Variants in CCSER1 observed in about 807,000 individuals in gnomAD.
The protein encoded by CCSER1 is coiled-coil serine rich protein 1.
CCSER1 carries 41 observed loss-of-function variants against 82.0 expected under a neutral mutation model. That is an observed-to-expected ratio of 0.50 (90% confidence interval 0.39 to 0.65). The LOEUF (loss-of-function observed/expected upper bound fraction) is 0.65, where lower values mean the gene tolerates loss of function less well. Among genes scored for constraint, CCSER1 ranks in the 30% least tolerant of loss-of-function variants. The pLI is 0.00. For synonymous variants in CCSER1, 414 were observed against 383.9 expected (o/e 1.08, Z -0.92); for missense variants, 1,119 against 1,064.2 (o/e 1.05, Z -0.72).
intron 1 of CCSER1, among the ~76,000 whole-genome samples, chr4:90,160,377 GAGA>G (rs1473238611): frequency 1.3e-5 from 2 of 152,114 alleles, no homozygotes; most frequent in Non-Finnish European, 2.9e-5. Context: ...TAGAGATGAA[GAGA>G]AGATGACTAC....
intron 1 of CCSER1, among the ~76,000 whole-genome samples, chr4:90,130,418 T>C (rs527702746): frequency 1.4e-4 from 21 of 152,328 alleles, no homozygotes; most frequent in African/African-American, 4.8e-4. Flanking sequence ...AAGACTTGCT[T>C]GATCTTGATG....
At chr4:90,851,219 C>A (rs1028113375) in intron 8 of CCSER1, among the ~76,000 whole-genome samples, 2 of 152,122 alleles carry the variant, frequency 1.3e-5, no homozygotes, top group African/African-American at 4.8e-5. Context: ...ATCATGAGAA[C>A]AGACTAATAC....
At chr4:91,156,562 TAA>T in intron 10 of CCSER1, among the ~76,000 whole-genome samples, 1 of 151,588 alleles carries the variant, frequency 6.6e-6, no homozygotes, top group East Asian at 1.9e-4. Context: ...TTAAAATTAT[TAA>T]GTTAAAAGAA....
At chr4:90,276,782 A>G (rs1000886171) in intron 1 of CCSER1, among the ~76,000 whole-genome samples, 2 of 152,178 alleles carry the variant, frequency 1.3e-5, no homozygotes, top group African/African-American at 4.8e-5. Flanking sequence ...GTGTTTTGTC[A>G]TTCTCCTTGT....
intron 7 of CCSER1, among the ~76,000 whole-genome samples, chr4:90,741,248 A>G (rs1746512090): frequency 6.6e-6 from 1 of 152,354 alleles, no homozygotes; most frequent in East Asian, 1.9e-4. Context: ...CTGAGTCATT[A>G]TAACCTCAAT....
intron 10 of CCSER1, chr4:91,319,776 A>G (rs1746072957): frequency 2.2e-6 from 1 of 454,076 alleles, no homozygotes; most frequent in Admixed American, 2.4e-5. Flanking sequence ...TGCTTCTCTT[A>G]TGCTCTAAAG....
intron 10 of CCSER1, among the ~76,000 whole-genome samples, chr4:91,347,861 G>GT (rs60531921): frequency 0.38 from 56,738 of 148,726 alleles, 11,137 homozygotes; most frequent in East Asian, 0.73. Flanking sequence ...AGTGCCAGTA[G>GT]TTTTTTTTTT....
At position 91,014,188 on chromosome 4, in the gene CCSER1, A is replaced by G. The variant is rs142526920; in HGVS notation, c.2173-71762A>G. ...TCCTTTATACCTGACATGGGAAAAG[A>G]TTTTGGCGACCATCATTTAGTATCC... is the stretch of plus-strand genomic sequence containing the variant. On this transcript the variant is annotated intron_variant, in intron 9 of 10. Coordinates refer to ENST00000509176, the MANE Select transcript of CCSER1 (RefSeq NM_001145065.2). Among the ~76,000 whole-genome samples the G allele has an allele frequency of 4.2e-3, 564 of 133,876 alleles. 48 individuals carry two copies. The highest frequency in any genetic ancestry group is 0.013 in the African/African-American group (532 of 40,382). The allele number at this position is 133,876 out of a possible 152,430, so 87.8% of individuals were successfully genotyped here. A position where few individuals can be genotyped will look rare whatever the true frequency, so the allele number is the denominator to read the frequency against.
intron 1 of CCSER1, among the ~76,000 whole-genome samples, chr4:90,141,333 C>T (rs1007004502): frequency 6.6e-5 from 10 of 152,212 alleles, no homozygotes; most frequent in Non-Finnish European, 1.2e-4. Flanking sequence ...CACTAACATC[C>T]GGAGCAATGT....
At chr4:91,482,736 C>T (rs1201575275) in intron 10 of CCSER1, among the ~76,000 whole-genome samples, 1 of 152,128 alleles carries the variant, frequency 6.6e-6, no homozygotes, top group East Asian at 1.9e-4. Flanking sequence ...AAATGTGGCA[C>T]ATATACACCA....
chr4:90,154,261 A>G (rs1302388338), intron 1 of CCSER1, among the ~76,000 whole-genome samples: 6 of 152,306 alleles, frequency 3.9e-5, no homozygotes, highest in East Asian at 1.9e-4. Context: ...TACCAGTACC[A>G]TGCTGTTTTG....
At chr4:91,106,408 A>C (rs1487326771) in intron 10 of CCSER1, among the ~76,000 whole-genome samples, 1 of 152,178 alleles carries the variant, frequency 6.6e-6, no homozygotes, top group Non-Finnish European at 1.5e-5. Flanking sequence ...ATAAGGAGAG[A>C]AATTAATAGA....
At chr4:90,255,769 A>G (rs1182371497) in intron 1 of CCSER1, among the ~76,000 whole-genome samples, 1 of 152,190 alleles carries the variant, frequency 6.6e-6, no homozygotes, top group Non-Finnish European at 1.5e-5. Context: ...GTCTTTATAG[A>G]ACAGATTGCC....
At chr4:91,144,275 G>A (rs1412913970) in intron 10 of CCSER1, among the ~76,000 whole-genome samples, 5 of 151,440 alleles carry the variant, frequency 3.3e-5, no homozygotes, top group Non-Finnish European at 7.4e-5. Context: ...TGGTCTCTGA[G>A]GATCTTTTGC....
At chr4:91,184,584 A>C (rs1370220728) in intron 10 of CCSER1, among the ~76,000 whole-genome samples, 1 of 152,228 alleles carries the variant, frequency 6.6e-6, no homozygotes, top group Non-Finnish European at 1.5e-5. Context: ...CTAATTTTTC[A>C]GTAACTAATT....
At chr4:90,590,574 T>C (rs1053146615) in intron 5 of CCSER1, among the ~76,000 whole-genome samples, 2 of 151,380 alleles carry the variant, frequency 1.3e-5, no homozygotes, top group African/African-American at 4.9e-5. Flanking sequence ...GAGTGAAACT[T>C]GGTCTCAAAA....
intron 3 of CCSER1, among the ~76,000 whole-genome samples, chr4:90,339,783 A>G (rs1260888211): frequency 2.0e-5 from 3 of 151,886 alleles, no homozygotes; most frequent in African/African-American, 7.3e-5. Flanking sequence ...CTGCTTTACC[A>G]TGCTTCCTTT....
intron 9 of CCSER1, among the ~76,000 whole-genome samples, chr4:91,026,832 A>C (rs1254459089): frequency 6.6e-6 from 1 of 152,092 alleles, no homozygotes; most frequent in Non-Finnish European, 1.5e-5. Context: ...ATTAGCTGAA[A>C]GGTATTAATA....
chr4:91,437,632 G>A (rs1016716045), intron 10 of CCSER1, among the ~76,000 whole-genome samples: 4 of 152,208 alleles, frequency 2.6e-5, no homozygotes, highest in Non-Finnish European at 1.5e-5. Flanking sequence ...GTGGGCGCAG[G>A]ACAGTGGGTG....
Sources: gnomAD v4.1 joint callset for allele counts (sites outside exome capture counted in the v4.1 genomes callset) on GRCh38, gnomAD v4.1.1 for gene constraint, MANE v1.5 for transcripts, NCBI Gene and HGNC (gene_info 2026-07-23, HGNC 2026-07-21) for gene names.